The following STXBP5 variants were observed in gnomAD, a reference collection of about 807,000 sequenced individuals.
STXBP5 encodes syntaxin binding protein 5, also known as syntaxin-binding protein 5.
In STXBP5, 50 loss-of-function variants were observed where a neutral mutation model predicts 152.4. The ratio of observed to expected loss-of-function variants is 0.33; its 90% CI spans 0.26 to 0.42. STXBP5 has a LOEUF of 0.42. STXBP5 is among the 10% of genes least tolerant of loss of function. STXBP5 has a pLI of 1.00. For synonymous variants in STXBP5, 492 were observed against 494.7 expected, an observed-to-expected ratio of 0.99 and a Z score of 0.07; for missense variants, 1,167 against 1,388.6, an observed-to-expected ratio of 0.84 and a Z score of 2.54.
At chr6:147,366,689 C>G (rs1240043264) in intron 25 of STXBP5, among the ~76,000 whole-genome samples, 1 of 152,104 alleles carries the variant, frequency 6.6e-6, no homozygotes, top group Non-Finnish European at 1.5e-5. Context: ...GAATAATTTC[C>G]CCAGAGCAAG....
chr6:147,351,409 T>C (rs1487227089), intron 21 of STXBP5, among the ~76,000 whole-genome samples: 1 of 152,228 alleles, frequency 6.6e-6, no homozygotes, highest in Non-Finnish European at 1.5e-5. Flanking sequence ...ACATCTGATA[T>C]CATGCACATT....
At chr6:147,303,861 G>A (rs928865748) in intron 9 of STXBP5, among the ~76,000 whole-genome samples, 1 of 152,180 alleles carries the variant, frequency 6.6e-6, no homozygotes, top group East Asian at 1.9e-4. Flanking sequence ...TTAGCAAAGA[G>A]ACTGGTGGCT....
intron 23 of STXBP5, among the ~76,000 whole-genome samples, chr6:147,359,849 C>G (rs917189661): frequency 6.6e-6 from 1 of 151,854 alleles, no homozygotes; most frequent in Non-Finnish European, 1.5e-5. Flanking sequence ...TTTTCTTAAT[C>G]CAGTCTATCA....
intron 24 of STXBP5, 119 bp from the exon 25 acceptor site, chr6:147,363,882 A>G (rs1785178120): frequency 7.3e-7 from 1 of 1,360,612 alleles, no homozygotes; most frequent in Non-Finnish European, 1.0e-6. Flanking sequence ...TTTATCTCCC[A>G]CTCAAGTATA....
chr6:147,301,420 A>G (rs1781808590), intron 9 of STXBP5, among the ~76,000 whole-genome samples: 2 of 152,166 alleles, frequency 1.3e-5, no homozygotes, highest in Non-Finnish European at 2.9e-5. Flanking sequence ...TATGTATGTA[A>G]TTTCATCTAA....
intron 16 of STXBP5, among the ~76,000 whole-genome samples, chr6:147,324,363 C>A (rs1237094686): frequency 6.9e-6 from 1 of 145,152 alleles, no homozygotes; most frequent in Non-Finnish European, 1.5e-5. Flanking sequence ...ACTTCTGCCT[C>A]CCGGGTTCAA....
intron 8 of STXBP5, among the ~76,000 whole-genome samples, chr6:147,282,910 A>G (rs1780769352): frequency 2.0e-5 from 3 of 152,112 alleles, no homozygotes; most frequent in African/African-American, 7.2e-5. Flanking sequence ...GCCTTCCTAT[A>G]TTAGAAGGAG....
At chr6:147,384,556 A>C (rs1175492467) in intron 27 of STXBP5, among the ~76,000 whole-genome samples, 158 bp from the exon 28 acceptor site, 3 of 152,162 alleles carry the variant, frequency 2.0e-5, no homozygotes, top group Non-Finnish European at 4.4e-5. Context: ...CTCCAAATAG[A>C]ATAGTTCTTA....
At chr6:147,366,889 G>A (rs1465790983) in intron 25 of STXBP5, among the ~76,000 whole-genome samples, 5 of 152,158 alleles carry the variant, frequency 3.3e-5, no homozygotes, top group African/African-American at 1.2e-4. Flanking sequence ...AAAACTTAAA[G>A]GAAATAAAAA....
chr6:147,266,340 A>T (rs531436234), intron 6 of STXBP5, among the ~76,000 whole-genome samples: 1 of 152,222 alleles, frequency 6.6e-6, no homozygotes, highest in Non-Finnish European at 1.5e-5. Context: ...TAGCTACAAT[A>T]AGAAATGGGT....
At chr6:147,240,433 G>A (rs546418201) in intron 4 of STXBP5, among the ~76,000 whole-genome samples, 1 of 152,022 alleles carries the variant, frequency 6.6e-6, no homozygotes, top group East Asian at 1.9e-4. Context: ...AGCATTAAAA[G>A]CACAATCTTT....
chr6:147,246,986 CTT>C (rs1464030967), intron 4 of STXBP5, among the ~76,000 whole-genome samples: 4 of 152,130 alleles, frequency 2.6e-5, no homozygotes, highest in Non-Finnish European at 5.9e-5. Flanking sequence ...ACATTATACT[CTT>C]ATTATTTTAT....
chr6:147,346,320 A>C (rs554041771), intron 21 of STXBP5, among the ~76,000 whole-genome samples: 1 of 152,222 alleles, frequency 6.6e-6, no homozygotes, highest in Non-Finnish European at 1.5e-5. Context: ...TACAGAGTAC[A>C]AGCCAGGAGG....
At chr6:147,205,713 A>C (rs928293641) in intron 1 of STXBP5, among the ~76,000 whole-genome samples, 2 of 152,192 alleles carry the variant, frequency 1.3e-5, no homozygotes, top group African/African-American at 4.8e-5. Context: ...TTAATAAAAG[A>C]TTTTCTTCTA....
At position 147,307,567 on chromosome 6, in the gene STXBP5, T is replaced by C. The variant is rs115829984; in HGVS notation, c.918-2517T>C. Among the ~76,000 whole-genome samples the C allele has an allele frequency of 9.8e-3, 1,487 of 152,196 alleles. 22 individuals carry two copies. The highest frequency in any genetic ancestry group is 0.034 in the African/African-American group (1,419 of 41,538). On this transcript the variant is annotated intron_variant, in intron 9 of 27. Coordinates refer to ENST00000321680, the MANE Select transcript of STXBP5 (RefSeq NM_001127715.4). ...ATGACTAATTTCTTTTTTAAGATAA[T>C]TATTAATATTTACTCTTCAAGTTTG...
At chr6:147,254,758 C>T (rs1317588944) in intron 4 of STXBP5, among the ~76,000 whole-genome samples, 3 of 152,112 alleles carry the variant, frequency 2.0e-5, no homozygotes, top group Non-Finnish European at 4.4e-5. Context: ...AAATCAAAAC[C>T]ACAATGAGAT....
chr6:147,335,779 C>A (rs563188610), intron 19 of STXBP5, among the ~76,000 whole-genome samples: 1 of 150,904 alleles, frequency 6.6e-6, no homozygotes, highest in Non-Finnish European at 1.5e-5. Flanking sequence ...CCAGCCTGGG[C>A]GACAGCGAGA....
chr6:147,363,983 T>C lies in STXBP5; in HGVS notation c.2916-18T>C, dbSNP rs1396673117. 9 of 1,608,466 alleles carry C rather than the reference T, an allele frequency of 5.6e-6. No homozygotes were observed. Among genetic ancestry groups the C allele is most frequent in the Non-Finnish European group, 6.8e-6 (8 of 1,178,588 alleles). ...AAACCTACCTTATTATTAACAAGTT[T>C]TTAATTTTTTTCTCAAGTTTGCCAA... On this transcript the variant is annotated intron_variant, in intron 24 of 27. Transcript: ENST00000321680.
At chr6:147,374,151 T>C (rs1377829763) in intron 26 of STXBP5, among the ~76,000 whole-genome samples, 2 of 152,212 alleles carry the variant, frequency 1.3e-5, no homozygotes, top group Non-Finnish European at 2.9e-5. Context: ...CTTTAACTGA[T>C]AACCTTAACT....
Sources: gnomAD v4.1 joint callset for allele counts (sites outside exome capture counted in the v4.1 genomes callset) on GRCh38, gnomAD v4.1.1 for gene constraint, MANE v1.5 for transcripts, NCBI Gene and HGNC (gene_info 2026-07-23, HGNC 2026-07-21) for gene names.